Variants in PTK2 observed in about 807,000 individuals in gnomAD.
PTK2 encodes focal adhesion kinase 1.
A neutral mutation model predicts 150.1 loss-of-function variants in PTK2; 45 were observed. That is an observed-to-expected ratio of 0.30 (90% CI 0.24 to 0.38). The LOEUF is 0.38. Ranked by LOEUF, PTK2 falls within the 10% of genes least tolerant of loss-of-function variation. The pLI is 1.00. For missense variants in PTK2, 919 were observed against 1,307.3 expected (o/e 0.70, Z 4.58); for synonymous variants, 432 against 449.2 (o/e 0.96, Z 0.48).
At chr8:140,925,671 T>A (rs991408363) in exon 2 of PTK2, 6 of 985,192 alleles carry the variant, frequency 6.1e-6, no homozygotes, top group Non-Finnish European at 7.2e-6. Context: ...CTCCCTTCCG[T>A]TATTCTTGAG....
At chr8:140,877,426 C>A (rs1422656450) in intron 4 of PTK2, among the ~76,000 whole-genome samples, 1 of 152,122 alleles carries the variant, frequency 6.6e-6, no homozygotes, top group Non-Finnish European at 1.5e-5. Context: ...ATTTTTAAAA[C>A]CTGTACTATG....
chr8:140,680,826 G>A (rs949095960), intron 27 of PTK2, among the ~76,000 whole-genome samples: 3 of 152,116 alleles, frequency 2.0e-5, no homozygotes, highest in Admixed American at 1.3e-4. Flanking sequence ...CACTGTGCCC[G>A]ACTGGGTGCT....
At chr8:140,728,844 A>C (rs2100047469) in intron 22 of PTK2, among the ~76,000 whole-genome samples, 3 of 152,166 alleles carry the variant, frequency 2.0e-5, no homozygotes, top group African/African-American at 7.2e-5. Context: ...AATCTTGAGA[A>C]TATGGGTAGT....
chr8:140,727,291 A>C (rs1167345165), intron 22 of PTK2, among the ~76,000 whole-genome samples: 1 of 152,184 alleles, frequency 6.6e-6, no homozygotes, highest in Non-Finnish European at 1.5e-5. Flanking sequence ...CAGTAGAAAC[A>C]ATTTACGTTT....
At position 140,664,901 on chromosome 8, in the gene PTK2, G is replaced by C. The variant is rs369631060; in HGVS notation, c.2946+16C>G. 1.6e-5 allele frequency: 25 copies of C among 1,611,192 alleles called. No individual in the cohort carries two copies. The highest frequency in any genetic ancestry group is 2.7e-5 in the African/African-American group (2 of 74,808). On this transcript the variant is annotated intron_variant, in intron 31 of 31. Coordinates refer to ENST00000522684, the Ensembl canonical transcript of PTK2. Reference sequence around the variant, plus strand: ...GTGCTGTCACAGAGGGCTGCAAGGGGAAGATTGTGCCCTACCTCTCGGTGG... The same window carrying C: ...GTGCTGTCACAGAGGGCTGCAAGGGCAAGATTGTGCCCTACCTCTCGGTGG...
chr8:140,720,737 C>G (rs1269951982), intron 22 of PTK2, among the ~76,000 whole-genome samples: 1 of 152,046 alleles, frequency 6.6e-6, no homozygotes, highest in East Asian at 1.9e-4. Flanking sequence ...CCACAAAGAG[C>G]TCTAAGTCTT....
At chr8:140,761,568 T>C (rs1202645292) in intron 15 of PTK2, among the ~76,000 whole-genome samples, 1 of 152,148 alleles carries the variant, frequency 6.6e-6, no homozygotes, top group Admixed American at 6.5e-5. Flanking sequence ...TTCTAAATAA[T>C]TGCCCCAACT....
chr8:140,895,526 A>T (rs1398285951), intron 2 of PTK2, among the ~76,000 whole-genome samples: 5 of 21,214 alleles, frequency 2.4e-4, no homozygotes, highest in Non-Finnish European at 8.5e-4. Flanking sequence ...TGTCTCCTTT[A>T]AAAAAAAAAA....
intron 16 of PTK2, among the ~76,000 whole-genome samples, chr8:140,760,858 G>A (rs995027432): frequency 2.6e-5 from 4 of 152,156 alleles, no homozygotes; most frequent in African/African-American, 7.2e-5. Context: ...TATACTGGCT[G>A]TTTCTGACTC....
intron 27 of PTK2, among the ~76,000 whole-genome samples, chr8:140,681,856 A>T (rs185685658): frequency 4.6e-5 from 7 of 152,348 alleles, no homozygotes; most frequent in Admixed American, 4.6e-4. Flanking sequence ...AGCAGGCTTT[A>T]ACCTATTTAT....
intron 27 of PTK2, 88 bp from the exon 31 acceptor site, chr8:140,675,587 G>T (rs2100013164): frequency 2.1e-6 from 2 of 967,586 alleles, no homozygotes; most frequent in African/African-American, 3.2e-5. Context: ...CCACCCCCTT[G>T]AACTTCTAGG....
intron 21 of PTK2, among the ~76,000 whole-genome samples, chr8:140,738,193 A>G (rs2100053678): frequency 6.6e-6 from 1 of 152,208 alleles, no homozygotes; most frequent in Non-Finnish European, 1.5e-5. Context: ...AGTGTAGGAA[A>G]GGTAAAGAAA....
At chr8:140,921,638 A>C (rs2100167498) in intron 2 of PTK2, among the ~76,000 whole-genome samples, 1 of 152,212 alleles carries the variant, frequency 6.6e-6, no homozygotes, top group Non-Finnish European at 1.5e-5. Context: ...ATAAATTTTA[A>C]AAACTCTCTC....
chr8:140,862,818 G>A (rs563907861), intron 5 of PTK2, among the ~76,000 whole-genome samples: 1 of 152,220 alleles, frequency 6.6e-6, no homozygotes, highest in African/African-American at 2.4e-5. Context: ...GTTTCATCCC[G>A]AAATCATTCC....
intron 1 of PTK2, among the ~76,000 whole-genome samples, chr8:140,998,763 G>A (rs2100198791): frequency 6.7e-6 from 1 of 149,576 alleles, no homozygotes; most frequent in African/African-American, 2.5e-5. Context: ...AGCTTGCAGT[G>A]AGCCGAGATC....
At chr8:140,883,867 G>C (rs142181187) in intron 3 of PTK2, among the ~76,000 whole-genome samples, 41 of 152,158 alleles carry the variant, frequency 2.7e-4, no homozygotes, top group African/African-American at 9.9e-4. Flanking sequence ...TAGTTTTGTA[G>C]ATCACAAGTA....
chr8:140,816,497 G>A (rs896569495), intron 10 of PTK2, among the ~76,000 whole-genome samples: 5 of 152,046 alleles, frequency 3.3e-5, no homozygotes, highest in East Asian at 1.9e-4. Context: ...AAGGGAGGCC[G>A]GTCTGTTTAA....
rs1359081520 is a variant in PTK2 at position 140,674,294 on chromosome 8, C to T, written c.2709+4G>A. 1 of 1,599,832 alleles carries T rather than the reference C, an allele frequency of 6.3e-7. No individual in the cohort carries two copies. The highest frequency in any genetic ancestry group is 2.2e-5 in the East Asian group (1 of 44,530). ...GAAGGTGCTGCACAGGCTCAGATGC[C>T]CACCTTGACACCCTCGTTGTAGCTG... On this transcript the variant is annotated splice_donor_region_variant and intron_variant, in intron 29 of 31. Transcript: ENST00000522684.
intron 14 of PTK2, among the ~76,000 whole-genome samples, chr8:140,785,268 C>G (rs952270586): frequency 6.6e-6 from 1 of 152,160 alleles, no homozygotes; most frequent in African/African-American, 2.4e-5. Context: ...CTCTAAGACC[C>G]AGCACACCTC....
Sources: allele counts gnomAD v4.1 joint callset (sites outside exome capture counted in the v4.1 genomes callset), GRCh38; gene constraint gnomAD v4.1.1; transcripts MANE v1.5; gene names NCBI Gene and HGNC (gene_info 2026-07-23, HGNC 2026-07-21).